KIAA1671: variants seen among roughly 807,000 people sequenced by gnomAD.
The protein encoded by KIAA1671 is uncharacterized protein KIAA1671.
In KIAA1671, 52 loss-of-function variants were observed where a neutral mutation model predicts 131.2. The observed-to-expected ratio is 0.40, with a 90% CI of 0.32 to 0.50. The LOEUF (loss-of-function observed/expected upper bound fraction) is 0.50, where lower values mean the gene tolerates loss of function less well. Ranked by LOEUF, KIAA1671 falls within the 20% of genes least tolerant of loss-of-function variation. The pLI is 0.73. For synonymous variants in KIAA1671, 1,003 were observed against 961.6 expected, an observed-to-expected ratio of 1.04 and a Z score of -0.80; for missense variants, 2,360 against 2,364.2, an observed-to-expected ratio of 1.00 and a Z score of 0.04.
intron 11 of KIAA1671, among the ~76,000 whole-genome samples, chr22:25,190,099 A>G (rs371767524): frequency 6.6e-6 from 1 of 152,054 alleles, no homozygotes; most frequent in African/African-American, 2.4e-5. Context: ...CTTTATTTCT[A>G]TTATTATTAC....
At chr22:24,988,551 A>C (rs2123842019) in intron 1 of KIAA1671, among the ~76,000 whole-genome samples, 1 of 151,856 alleles carries the variant, frequency 6.6e-6, no homozygotes, top group South Asian at 2.1e-4. Context: ...GACCAGCCAC[A>C]TGGTGAAACC....
chr22:25,181,213 G>A (rs1318403421), intron 9 of KIAA1671, among the ~76,000 whole-genome samples: 4 of 152,220 alleles, frequency 2.6e-5, no homozygotes, highest in Non-Finnish European at 5.9e-5. Context: ...TCAGCCTCAA[G>A]CACGGGTCTG....
At chr22:25,188,177 T>C (rs1934539699) in intron 11 of KIAA1671, among the ~76,000 whole-genome samples, 1 of 152,148 alleles carries the variant, frequency 6.6e-6, no homozygotes. Flanking sequence ...GGCGGGCGCC[T>C]GTAGTCCCAG....
At chr22:25,177,647 A>G (rs781197435) in intron 9 of KIAA1671, 125 bp downstream of exon 9, 81 of 799,440 alleles carry the variant, frequency 1.0e-4, no homozygotes, top group Non-Finnish European at 1.4e-4. Flanking sequence ...TACATAGGAA[A>G]CTGATTTTTT....
intron 6 of KIAA1671, among the ~76,000 whole-genome samples, chr22:25,123,484 G>T (rs538595033): frequency 2.0e-5 from 3 of 152,238 alleles, no homozygotes; most frequent in Non-Finnish European, 4.4e-5. Flanking sequence ...GAGCTACCGT[G>T]CCCGGCTGAG....
At chr22:24,999,755 G>A (rs868032546) in intron 1 of KIAA1671, among the ~76,000 whole-genome samples, 5 of 147,310 alleles carry the variant, frequency 3.4e-5, no homozygotes, top group African/African-American at 1.0e-4. Context: ...CAAAGACAGG[G>A]TCTCATCATA....
At chr22:24,980,428 C>T (rs1377241371) in intron 1 of KIAA1671, among the ~76,000 whole-genome samples, 1 of 151,254 alleles carries the variant, frequency 6.6e-6, no homozygotes, top group East Asian at 2.0e-4. Context: ...CCCGCCACCA[C>T]ACCAGGCAAA....
intron 1 of KIAA1671, among the ~76,000 whole-genome samples, chr22:24,957,202 G>A (rs1212243111): frequency 6.6e-6 from 1 of 152,120 alleles, no homozygotes; most frequent in East Asian, 1.9e-4. Flanking sequence ...TGTGTTGGGG[G>A]GAGAGAGGGA....
At chr22:25,175,783 A>G (rs922477751) in intron 8 of KIAA1671, 2 of 152,198 alleles carry the variant, frequency 1.3e-5, no homozygotes, top group African/African-American at 2.4e-5. Context: ...GCTTTTTGCA[A>G]ATTAGCAAAT....
chr22:25,048,302 G>A (rs1569216062), intron 5 of KIAA1671, among the ~76,000 whole-genome samples: 2 of 151,686 alleles, frequency 1.3e-5, no homozygotes, highest in Admixed American at 1.3e-4. Context: ...GGGTGTAGAT[G>A]GGATTTATTT....
intron 6 of KIAA1671, among the ~76,000 whole-genome samples, chr22:25,119,897 G>A (rs754485344): frequency 5.3e-5 from 8 of 152,316 alleles, no homozygotes; most frequent in Non-Finnish European, 1.0e-4. Context: ...GGTGGGCCAG[G>A]GGCCAGGCCG....
chr22:25,041,753 G>A (rs1926935358), intron 5 of KIAA1671, among the ~76,000 whole-genome samples: 1 of 151,798 alleles, frequency 6.6e-6, no homozygotes, highest in Non-Finnish European at 1.5e-5. Context: ...TTGTTTATTT[G>A]TTTGTTTGAA....
At chr22:25,006,106 A>G (rs1200215526) in intron 1 of KIAA1671, among the ~76,000 whole-genome samples, 3 of 152,118 alleles carry the variant, frequency 2.0e-5, no homozygotes, top group Admixed American at 1.3e-4. Flanking sequence ...ATCTTGGCTC[A>G]TTGCAACCTC....
intron 6 of KIAA1671, among the ~76,000 whole-genome samples, chr22:25,073,215 G>A (rs1156978419): frequency 2.6e-5 from 4 of 152,024 alleles, no homozygotes; most frequent in African/African-American, 7.2e-5. Flanking sequence ...CTACAGGTGC[G>A]TGCCATCATG....
At chr22:25,038,675 A>G (rs1926744159) in intron 4 of KIAA1671, 85 bp from the exon 5 acceptor site, 1 of 1,296,348 alleles carries the variant, frequency 7.7e-7, no homozygotes. Flanking sequence ...TTATACAAGC[A>G]GCCCTTTCAA....
Position 25,094,189 on chromosome 22 carries a change from T to C in KIAA1671, c.4530+44825T>C, listed in dbSNP as rs187334214. Among the ~76,000 whole-genome samples, 29 of 152,244 alleles carry C rather than the reference T, an allele frequency of 1.9e-4. No individual in the cohort carries two copies. In the East Asian group the frequency reaches 4.6e-3, roughly 24 times the overall value. On this transcript the variant is annotated intron_variant, in intron 6 of 12. Transcript: ENST00000358431. ...GCATTTTCTGTTGCCTTCTTGAGACTTGGGATGAATGGTGGTTAAACGGGA... is the reference window on the plus strand; with the variant it reads ...GCATTTTCTGTTGCCTTCTTGAGACCTGGGATGAATGGTGGTTAAACGGGA...
At chr22:25,163,994 G>A (rs1933552805) in intron 6 of KIAA1671, among the ~76,000 whole-genome samples, 2 of 152,066 alleles carry the variant, frequency 1.3e-5, no homozygotes, top group Admixed American at 1.3e-4. Flanking sequence ...GCCTTTAGGG[G>A]GTACATGTTA....
At chr22:25,027,330 C>T (rs997084684) in intron 2 of KIAA1671, among the ~76,000 whole-genome samples, 23 of 152,160 alleles carry the variant, frequency 1.5e-4, no homozygotes, top group African/African-American at 5.3e-4. Flanking sequence ...TTTGTGCTCC[C>T]AGGCACTCCT....
intron 6 of KIAA1671, among the ~76,000 whole-genome samples, chr22:25,073,791 G>A (rs1272535422): frequency 6.6e-6 from 1 of 152,150 alleles, no homozygotes; most frequent in African/African-American, 2.4e-5. Context: ...CTGCCTCCCA[G>A]GTTCAAGCAA....
Sources: gnomAD v4.1 joint callset for allele counts (sites outside exome capture counted in the v4.1 genomes callset) on GRCh38, gnomAD v4.1.1 for gene constraint, MANE v1.5 for transcripts, NCBI Gene and HGNC (gene_info 2026-07-23, HGNC 2026-07-21) for gene names.